The following SLC45A4 variants were observed in gnomAD, a reference collection of about 807,000 sequenced individuals.
SLC45A4 encodes the protein solute carrier family 45 member 4, also known as polyamine-transporter SLC45A4.
SLC45A4 carries 32 observed loss-of-function variants against 63.7 expected under a neutral mutation model. The observed-to-expected ratio is 0.50, with a 90% confidence interval of 0.38 to 0.67. The LOEUF (loss-of-function observed/expected upper bound fraction) is 0.67, where lower values mean the gene tolerates loss of function less well. Among genes scored for constraint, SLC45A4 ranks in the 30% least tolerant of loss-of-function variants. The pLI is 0.00. For synonymous variants in SLC45A4, 535 were observed against 510.0 expected (o/e 1.05, Z -0.66); for missense variants, 1,027 against 1,157.7 (o/e 0.89, Z 1.64).
chr8:141,236,341 A>G (rs1044341553), intron 2 of SLC45A4, among the ~76,000 whole-genome samples: 1 of 151,534 alleles, frequency 6.6e-6, no homozygotes, highest in South Asian at 2.1e-4. Flanking sequence ...CAGTTTCCCC[A>G]AAGTTTTCCA....
intron 1 of SLC45A4, among the ~76,000 whole-genome samples, chr8:141,298,738 G>T (rs1830645709): frequency 1.3e-5 from 2 of 152,186 alleles, no homozygotes. Context: ...GAGGGGTGTG[G>T]GAACTAGCAT....
At chr8:141,268,886 C>A (rs955392152) in intron 1 of SLC45A4, among the ~76,000 whole-genome samples, 3 of 152,228 alleles carry the variant, frequency 2.0e-5, no homozygotes, top group African/African-American at 7.2e-5. Flanking sequence ...TGCCTCTGAT[C>A]ATACAACGAG....
intron 2 of SLC45A4, among the ~76,000 whole-genome samples, chr8:141,223,471 G>T (rs1175600101): frequency 6.6e-6 from 1 of 152,188 alleles, no homozygotes; most frequent in African/African-American, 2.4e-5. Context: ...GAAAGAATGG[G>T]AAGCGGTCAT....
chr8:141,248,317 C>T (rs1828310615), intron 2 of SLC45A4, among the ~76,000 whole-genome samples: 1 of 152,184 alleles, frequency 6.6e-6, no homozygotes, highest in Admixed American at 6.5e-5. Context: ...CGCCTATAGC[C>T]CCAGCACTCT....
chr8:141,212,401 G>A lies in SLC45A4; in HGVS notation c.2097C>T (p.Ala699=), dbSNP rs759757666. ...VGTVRVIPMV[A]SVGSFLGFLT... is the part of the protein sequence containing the mutation. ...GGAAGCCCAGGAAAGAGCCCACAGAGGCCACCATGGGGATGACGCGGACAG... is the reference window on the plus strand; with the variant it reads ...GGAAGCCCAGGAAAGAGCCCACAGAAGCCACCATGGGGATGACGCGGACAG... Residue 699 remains alanine (A), a synonymous_variant, in exon 8 of 9, where the codon GCC becomes GCT. Transcript: ENST00000517878. 6.2e-7 allele frequency: 1 copy of A among 1,613,766 alleles called. No homozygotes were observed. The highest frequency in any genetic ancestry group is 1.7e-5 in the Admixed American group (1 of 60,024).
At chr8:141,216,356 G>A (rs78605132) in intron 6 of SLC45A4, among the ~76,000 whole-genome samples, 4,314 of 152,270 alleles carry the variant, frequency 0.028, 96 homozygotes, top group Non-Finnish European at 0.045. Context: ...GTCCTGCCTC[G>A]GGAACACACA....
intron 2 of SLC45A4, among the ~76,000 whole-genome samples, chr8:141,243,221 A>C (rs1828002385): frequency 6.6e-6 from 1 of 152,188 alleles, no homozygotes; most frequent in Non-Finnish European, 1.5e-5. Flanking sequence ...GTGGCTCAGC[A>C]GGTCCTCCAA....
chr8:141,211,867 A>G (rs1377056945), intron 8 of SLC45A4, 170 bp from the exon 9 acceptor site: 3 of 1,266,038 alleles, frequency 2.4e-6, no homozygotes, highest in Non-Finnish European at 3.0e-6. Context: ...TAAATGTTTT[A>G]TATCATTTAA....
chr8:141,274,181 A>G (rs1829643482), intron 1 of SLC45A4, among the ~76,000 whole-genome samples: 1 of 151,710 alleles, frequency 6.6e-6, no homozygotes, highest in Non-Finnish European at 1.5e-5. Context: ...GTGAGCCGAG[A>G]TCACGCCACT....
In SLC45A4 at chr8:141,244,928, T is replaced by G. The variant is rs377377487; in HGVS notation, c.241+9061A>C. Among the ~76,000 whole-genome samples, 5 of 111,458 alleles carry G rather than the reference T, an allele frequency of 4.5e-5. 1 individual carries two copies. The highest frequency in any genetic ancestry group is 1.7e-4 in the African/African-American group (5 of 28,710). 73.1% of individuals were successfully genotyped at this position (111,458 alleles called of 152,430 possible). A position where few individuals can be genotyped will look rare whatever the true frequency, so the allele number is the denominator to read the frequency against. ...ACCTCTGAGTTTGGAAATGAGGACATCCCTGCGCATTCAGCAAGAAGACGT... is the reference window on the plus strand; with the variant it reads ...ACCTCTGAGTTTGGAAATGAGGACAGCCCTGCGCATTCAGCAAGAAGACGT... On this transcript the variant is annotated intron_variant, in intron 2 of 8. Transcript: ENST00000517878.
At position 141,221,744 on chromosome 8, in the gene SLC45A4, C is replaced by G; in HGVS notation, c.263G>C (p.Ser88Thr). The G allele has an allele frequency of 6.2e-6, 10 of 1,613,892 alleles. No individual in the cohort carries two copies. The highest frequency in any genetic ancestry group is 7.6e-6 in the Non-Finnish European group (9 of 1,180,012). The change falls in exon 3 of 9, where the codon AGC (serine) becomes ACC (threonine). Residue 88 changes from serine (S) to threonine (T), a missense_variant. Coordinates refer to ENST00000517878, the MANE Select transcript of SLC45A4 (RefSeq NM_001286646.2). ...GATGGGGCTCAGGAACCAGGTGAGG[C>G]TGTAGTACTGCTCCGGAAGGCCTGC... The part of the protein sequence containing the change: ...LQIGLPEQYY[S>T]LTWFLSPILG...
intron 2 of SLC45A4, among the ~76,000 whole-genome samples, chr8:141,230,954 G>A (rs77398689): frequency 0.11 from 16,497 of 152,120 alleles, 1,108 homozygotes; most frequent in East Asian, 0.16. Flanking sequence ...CTGCTCCGGG[G>A]ACGCTGTGCT....
In SLC45A4 at chr8:141,212,376, G is replaced by A; in HGVS notation, c.2122C>T (p.Leu708=). 6.2e-7 allele frequency: 1 copy of A among 1,613,706 alleles called. No homozygotes were observed. ...VASVGSFLGF[L]TATFLVIYPN... ...TAGATCACCAGGAATGTGGCCGTCA[G>A]GAAGCCCAGGAAAGAGCCCACAGAG... is the stretch of plus-strand genomic sequence containing the variant. Residue 708 remains leucine, a synonymous_variant, in exon 8 of 9, where the codon CTG becomes TTG. Transcript: ENST00000517878.
chr8:141,262,144 T>C (rs1829063569), intron 1 of SLC45A4, among the ~76,000 whole-genome samples: 1 of 151,360 alleles, frequency 6.6e-6, no homozygotes, highest in Non-Finnish European at 1.5e-5. Context: ...TAAATGGTGC[T>C]GGGAAAACTG....
At position 141,256,793 on chromosome 8, in the gene SLC45A4, A is replaced by G. The variant is rs1323630703; in HGVS notation, c.-400-2164T>C. ...TGTCCTCTACCGTAGAAACATCTCA[A>G]TTAAAACAAGAGTTTCCAAACTGTC... is the stretch of plus-strand genomic sequence containing the variant. On this transcript the variant is annotated intron_variant, in intron 1 of 8. Coordinates refer to ENST00000517878, the MANE Select transcript of SLC45A4 (RefSeq NM_001286646.2). The surrounding 1 kb of genome is among the most constrained non-coding windows in gnomAD (Gnocchi z 4.3). 1.1e-5 allele frequency: 4 copies of G among 351,836 alleles called. No individual in the cohort carries two copies. The highest frequency in any genetic ancestry group is 3.8e-4 in the Middle Eastern group (1 of 2,600). The allele number at this position is 351,836 out of a possible 1,614,324, so 21.8% of individuals were successfully genotyped here.
intron 1 of SLC45A4, among the ~76,000 whole-genome samples, chr8:141,273,102 A>G (rs1454142225): frequency 6.6e-6 from 1 of 152,216 alleles, no homozygotes; most frequent in Non-Finnish European, 1.5e-5. Flanking sequence ...ACATGAAAAC[A>G]AGGACACACT....
intron 1 of SLC45A4, among the ~76,000 whole-genome samples, chr8:141,298,890 C>G (rs971312634): frequency 1.3e-5 from 2 of 151,908 alleles, no homozygotes; most frequent in African/African-American, 4.8e-5. Flanking sequence ...AGAAGACAAA[C>G]GGCACTTTTC....
intron 2 of SLC45A4, among the ~76,000 whole-genome samples, chr8:141,223,433 C>T (rs780831769): frequency 1.3e-5 from 2 of 152,212 alleles, no homozygotes; most frequent in South Asian, 2.1e-4. Context: ...ATCAAAACTA[C>T]GCAGAGGGCG....
chr8:141,290,916 T>G (rs1589857796), intron 1 of SLC45A4, among the ~76,000 whole-genome samples: 1 of 152,240 alleles, frequency 6.6e-6, no homozygotes, highest in African/African-American at 2.4e-5. Flanking sequence ...TGGTGCGATC[T>G]CAGCTCACTG....
Sources: gnomAD v4.1 joint callset for allele counts (sites outside exome capture counted in the v4.1 genomes callset) on GRCh38, gnomAD v4.1.1 for gene constraint, Gnocchi (gnomAD v3.1) non-coding constraint, MANE v1.5 for transcripts, NCBI Gene and HGNC (gene_info 2026-07-23, HGNC 2026-07-21) for gene names.